MAST4: variants seen among roughly 807,000 people sequenced by gnomAD.
The protein encoded by MAST4 is microtubule associated serine/threonine kinase family member 4.
In MAST4, 89 loss-of-function variants were observed where a neutral mutation model predicts 162.7. The observed-to-expected ratio is 0.55, with a 90% CI of 0.46 to 0.65. The LOEUF is 0.65. Among genes scored for constraint, MAST4 ranks in the 30% least tolerant of loss-of-function variants. MAST4 has a pLI of 0.00. For synonymous variants in MAST4, 1,479 were observed against 1,361.1 expected, an observed-to-expected ratio of 1.09 and a Z score of -1.91; for missense variants, 3,153 against 3,374.0, an observed-to-expected ratio of 0.93 and a Z score of 1.62.
intron 4 of MAST4, among the ~76,000 whole-genome samples, chr5:66,923,807 A>C (rs1041183416): frequency 6.6e-6 from 1 of 152,202 alleles, no homozygotes; most frequent in African/African-American, 2.4e-5. Flanking sequence ...TTTGGGGAGA[A>C]GGGGGTTGAT....
chr5:67,125,594 A>G (rs1369644786), intron 14 of MAST4, among the ~76,000 whole-genome samples: 1 of 152,152 alleles, frequency 6.6e-6, no homozygotes. Flanking sequence ...ATTCCTTTAT[A>G]TGGCTACATA....
At chr5:66,933,263 C>T (rs908433656) in intron 4 of MAST4, among the ~76,000 whole-genome samples, 13 of 152,076 alleles carry the variant, frequency 8.5e-5, no homozygotes, top group East Asian at 1.9e-4. Flanking sequence ...TCAGTGGTGA[C>T]GAACTGTTTT....
intron 1 of MAST4, among the ~76,000 whole-genome samples, chr5:66,631,179 G>A (rs1166872671): frequency 1.3e-5 from 2 of 152,140 alleles, no homozygotes; most frequent in Non-Finnish European, 2.9e-5. Context: ...GAATGAATAG[G>A]TTGTAAGTAA....
chr5:67,022,089 TGTGA>T (rs908403054), intron 4 of MAST4, among the ~76,000 whole-genome samples: 2 of 152,212 alleles, frequency 1.3e-5, no homozygotes, highest in African/African-American at 4.8e-5. Context: ...CCAAGCTGAC[TGTGA>T]GTGTCTTGAG....
chr5:66,724,041 T>C (rs1367236938), intron 1 of MAST4, among the ~76,000 whole-genome samples: 1 of 152,166 alleles, frequency 6.6e-6, no homozygotes, highest in Non-Finnish European at 1.5e-5. Flanking sequence ...TTTAAAAGTT[T>C]GACTCAAGAA....
In MAST4 at chr5:66,596,614, G is replaced by T; in HGVS notation, c.-42G>T. The T allele has an allele frequency of 7.2e-7, 1 of 1,391,348 alleles. No individual in the cohort carries two copies. Among genetic ancestry groups the T allele is most frequent in the Non-Finnish European group, 9.3e-7 (1 of 1,075,862 alleles). The allele number at this position is 1,391,348 out of a possible 1,614,324, so 86.2% of individuals were successfully genotyped here. A position where few individuals can be genotyped will look rare whatever the true frequency, so the allele number is the denominator to read the frequency against. On this transcript the variant is annotated 5_prime_UTR_variant, in exon 1 of 29. Coordinates refer to ENST00000403625, the MANE Select transcript of MAST4 (RefSeq NM_001164664.2). ...CCCCGGGAGGCGCTGAGTGCGCGCC[G>T]CGCCCCCGCCGCTCGGGAGGCACTT...
intron 3 of MAST4, among the ~76,000 whole-genome samples, chr5:66,874,056 T>C (rs1164123604): frequency 1.3e-5 from 2 of 152,208 alleles, no homozygotes; most frequent in Non-Finnish European, 2.9e-5. Context: ...AAACAAGCTT[T>C]TAAATCTGTT....
chr5:66,749,887 AT>A (rs2149590143), intron 1 of MAST4, among the ~76,000 whole-genome samples: 1 of 152,332 alleles, frequency 6.6e-6, no homozygotes, highest in East Asian at 1.9e-4. Flanking sequence ...GTTCTATCAA[AT>A]TTTAAAATAT....
At chr5:66,882,669 G>A (rs114578351) in intron 3 of MAST4, among the ~76,000 whole-genome samples, 197 of 151,970 alleles carry the variant, frequency 1.3e-3, no homozygotes, top group African/African-American at 4.5e-3. Flanking sequence ...GTATCCTTTA[G>A]CATACTTTTT....
At chr5:66,856,898 A>G (rs557629850) in intron 3 of MAST4, among the ~76,000 whole-genome samples, 3 of 152,268 alleles carry the variant, frequency 2.0e-5, no homozygotes, top group Non-Finnish European at 4.4e-5. Flanking sequence ...GCTGAATAAC[A>G]TAGAGAATGA....
At chr5:67,008,847 G>A (rs887908942) in intron 4 of MAST4, among the ~76,000 whole-genome samples, 4 of 152,316 alleles carry the variant, frequency 2.6e-5, no homozygotes, top group African/African-American at 9.6e-5. Flanking sequence ...TCCTGTAGTT[G>A]TCAGGATGTA....
chr5:66,943,995 G>A (rs1000578366), intron 4 of MAST4, among the ~76,000 whole-genome samples: 3 of 152,136 alleles, frequency 2.0e-5, no homozygotes, highest in Non-Finnish European at 4.4e-5. Flanking sequence ...ACTTCTTAAA[G>A]TACAGGTAAC....
chr5:66,767,371 T>C (rs1754149077), intron 2 of MAST4, among the ~76,000 whole-genome samples: 1 of 152,096 alleles, frequency 6.6e-6, no homozygotes, highest in Non-Finnish European at 1.5e-5. Flanking sequence ...TGAGTATGTT[T>C]GAAATGCCCG....
intron 3 of MAST4, among the ~76,000 whole-genome samples, chr5:66,843,003 C>A (rs1758533973): frequency 1.3e-5 from 2 of 152,114 alleles, no homozygotes; most frequent in Admixed American, 6.5e-5. Context: ...ATTTGAAATG[C>A]AGCCCTTAAA....
chr5:66,754,947 G>T (rs1332495257), intron 1 of MAST4, among the ~76,000 whole-genome samples: 1 of 152,178 alleles, frequency 6.6e-6, no homozygotes, highest in Non-Finnish European at 1.5e-5. Flanking sequence ...GTCCTGGGTG[G>T]GAAGAGCCTG....
At chr5:66,697,618 A>G (rs1749489158) in intron 1 of MAST4, among the ~76,000 whole-genome samples, 1 of 152,250 alleles carries the variant, frequency 6.6e-6, no homozygotes, top group South Asian at 2.1e-4. Context: ...AGAAGCAGAT[A>G]TGAGAATGCA....
At chr5:66,683,657 G>A (rs1184452010) in intron 1 of MAST4, among the ~76,000 whole-genome samples, 2 of 152,124 alleles carry the variant, frequency 1.3e-5, no homozygotes, top group African/African-American at 2.4e-5. Flanking sequence ...AAACCACTCC[G>A]GATACATACA....
intron 2 of MAST4, among the ~76,000 whole-genome samples, chr5:66,765,819 G>C (rs1006848518): frequency 1.1e-4 from 16 of 152,102 alleles, no homozygotes; most frequent in African/African-American, 3.6e-4. Flanking sequence ...GAATCACTAA[G>C]GGCATTAGAT....
intron 3 of MAST4, among the ~76,000 whole-genome samples, chr5:66,800,035 T>C (rs1755840310): frequency 6.6e-6 from 1 of 152,200 alleles, no homozygotes; most frequent in Admixed American, 6.5e-5. Flanking sequence ...TGATGTATTA[T>C]TAGATTATGG....
Sources: allele counts gnomAD v4.1 joint callset (sites outside exome capture counted in the v4.1 genomes callset), GRCh38; gene constraint gnomAD v4.1.1; transcripts MANE v1.5; gene names NCBI Gene and HGNC (gene_info 2026-07-23, HGNC 2026-07-21).